The following PTPRG variants were observed in gnomAD, a reference collection of about 807,000 sequenced individuals.
PTPRG encodes receptor-type tyrosine-protein phosphatase gamma.
PTPRG carries 102 observed loss-of-function variants against 165.3 expected under a neutral mutation model. The observed-to-expected ratio is 0.62, with a 90% CI of 0.53 to 0.73. The LOEUF (loss-of-function observed/expected upper bound fraction) is 0.73, where lower values mean the gene tolerates loss of function less well. PTPRG is among the 30% of genes least tolerant of loss of function. The pLI is 0.00. For synonymous variants in PTPRG, 675 were observed against 669.5 expected, an observed-to-expected ratio of 1.01 and a Z score of -0.13; for missense variants, 1,866 against 1,861.4, an observed-to-expected ratio of 1.00 and a Z score of -0.05.
At chr3:61,567,624 C>T (rs1231438106) in intron 1 of PTPRG, among the ~76,000 whole-genome samples, 1 of 148,046 alleles carries the variant, frequency 6.8e-6, no homozygotes, top group African/African-American at 2.5e-5. Context: ...TGTGATCATG[C>T]CACTGCACTC....
chr3:62,064,011 G>C (rs1461227801), intron 4 of PTPRG, among the ~76,000 whole-genome samples: 1 of 152,176 alleles, frequency 6.6e-6, no homozygotes, highest in Non-Finnish European at 1.5e-5. Context: ...GATGAGGCTG[G>C]TCTTCTGAGT....
chr3:61,916,381 T>A lies in PTPRG; in HGVS notation c.191-73244T>A, dbSNP rs191525610. On this transcript the variant is annotated intron_variant, in intron 2 of 29. Transcript: ENST00000474889. ...CATAGTTATAAATTGATTTTGAAAA[T>A]TCTAATTTTCGTGTTAGATGGCACC... Among the ~76,000 whole-genome samples the A allele has an allele frequency of 3.2e-3, 490 of 152,284 alleles. 1 individual carries two copies. Among genetic ancestry groups the A allele is most frequent in the African/African-American group, 0.011 (477 of 41,560 alleles).
chr3:61,704,926 G>C (rs2031171965), intron 1 of PTPRG, among the ~76,000 whole-genome samples: 1 of 152,186 alleles, frequency 6.6e-6, no homozygotes, highest in Non-Finnish European at 1.5e-5. Flanking sequence ...TCTGCTACCT[G>C]CTCATTTGCA....
In PTPRG at chr3:61,875,257, G is replaced by C. The variant is rs1484725689; in HGVS notation, c.191-114368G>C. On this transcript the variant is annotated intron_variant, in intron 2 of 29. Coordinates refer to ENST00000474889, the MANE Select transcript of PTPRG (RefSeq NM_002841.4). ...TTCTTTTAGGCCACATTCTGGTTCT[G>C]CAACTGACACTTGAGGAGGTATTTC... is the stretch of plus-strand genomic sequence containing the variant. Among the ~76,000 whole-genome samples, 6 of 152,102 alleles carry C rather than the reference G, an allele frequency of 3.9e-5. No individual in the cohort carries two copies. In the East Asian group the frequency reaches 1.2e-3, roughly 29 times the overall value.
intron 2 of PTPRG, among the ~76,000 whole-genome samples, chr3:61,873,957 C>T (rs140762262): frequency 5.9e-5 from 9 of 152,252 alleles, no homozygotes; most frequent in African/African-American, 2.2e-4. Flanking sequence ...TGGATTATTC[C>T]TGTTGATTCA....
chr3:61,860,875 T>G (rs2037248496), intron 2 of PTPRG, among the ~76,000 whole-genome samples: 1 of 152,152 alleles, frequency 6.6e-6, no homozygotes, highest in Non-Finnish European at 1.5e-5. Flanking sequence ...TTATCACTGG[T>G]GTAGATTCAT....
chr3:61,832,378 C>T (rs748067531), intron 2 of PTPRG, among the ~76,000 whole-genome samples: 2 of 152,142 alleles, frequency 1.3e-5, no homozygotes, highest in African/African-American at 4.8e-5. Context: ...TTCTCATAAC[C>T]CTATGAGATA....
At chr3:61,636,462 A>G (rs747037086) in intron 1 of PTPRG, among the ~76,000 whole-genome samples, 2 of 152,132 alleles carry the variant, frequency 1.3e-5, no homozygotes, top group Non-Finnish European at 2.9e-5. Context: ...TTCAAGGTTC[A>G]TCTATCTTGT....
chr3:62,169,402 A>G (rs1371548320), intron 8 of PTPRG, among the ~76,000 whole-genome samples: 2 of 152,054 alleles, frequency 1.3e-5, no homozygotes, highest in Admixed American at 6.5e-5. Context: ...TTTTTAACCT[A>G]TTATTTAACA....
At chr3:61,790,986 G>C (rs113409165) in intron 2 of PTPRG, among the ~76,000 whole-genome samples, 8 of 152,130 alleles carry the variant, frequency 5.3e-5, no homozygotes, top group Non-Finnish European at 8.8e-5. Context: ...TTATCAGTCA[G>C]CACCTCCTTT....
At chr3:61,801,048 C>T (rs1003246118) in intron 2 of PTPRG, among the ~76,000 whole-genome samples, 1 of 152,158 alleles carries the variant, frequency 6.6e-6, no homozygotes, top group Non-Finnish European at 1.5e-5. Context: ...CTGGCACCGC[C>T]TGCCGTAGCT....
At chr3:61,944,631 A>C (rs2039711594) in intron 2 of PTPRG, among the ~76,000 whole-genome samples, 1 of 152,194 alleles carries the variant, frequency 6.6e-6, no homozygotes, top group African/African-American at 2.4e-5. Flanking sequence ...CGTTGGATTC[A>C]TTAGGGAATG....
chr3:61,566,454 G>C (rs1474050708), intron 1 of PTPRG, among the ~76,000 whole-genome samples: 3 of 152,216 alleles, frequency 2.0e-5, no homozygotes, highest in Non-Finnish European at 4.4e-5. Context: ...AAATGCCCTA[G>C]AGTAGTTACT....
intron 2 of PTPRG, among the ~76,000 whole-genome samples, chr3:61,793,837 T>G (rs2034965967): frequency 6.6e-6 from 1 of 152,170 alleles, no homozygotes; most frequent in Non-Finnish European, 1.5e-5. Context: ...GGCTAGGTGG[T>G]GAAAATGACA....
intron 1 of PTPRG, among the ~76,000 whole-genome samples, chr3:61,573,255 G>A (rs953104456): frequency 6.6e-6 from 1 of 152,120 alleles, no homozygotes; most frequent in Admixed American, 6.6e-5. Context: ...GTATGATGTC[G>A]GGGGACAAGG....
intron 1 of PTPRG, among the ~76,000 whole-genome samples, chr3:61,626,619 T>C (rs1253593801): frequency 1.3e-5 from 2 of 152,196 alleles, no homozygotes; most frequent in Non-Finnish European, 2.9e-5. Flanking sequence ...CTCAGAGTCA[T>C]AGTCCCAGCC....
chr3:61,902,785 A>G (rs1378808695), intron 2 of PTPRG, among the ~76,000 whole-genome samples: 1 of 152,172 alleles, frequency 6.6e-6, no homozygotes, highest in Admixed American at 6.5e-5. Context: ...TTGAGCATGT[A>G]ATATGTATCT....
intron 2 of PTPRG, among the ~76,000 whole-genome samples, chr3:61,981,277 T>C (rs148833204): frequency 1.2e-4 from 19 of 152,298 alleles, no homozygotes; most frequent in African/African-American, 4.3e-4. Flanking sequence ...ACATGGAGAT[T>C]ATGGGAACTA....
chr3:62,014,522 G>A (rs921568419), intron 4 of PTPRG, among the ~76,000 whole-genome samples: 2 of 152,180 alleles, frequency 1.3e-5, no homozygotes, highest in African/African-American at 4.8e-5. Flanking sequence ...CACAGATAGA[G>A]CTTCAACTCC....
Sources: gnomAD v4.1 joint callset for allele counts (sites outside exome capture counted in the v4.1 genomes callset) on GRCh38, gnomAD v4.1.1 for gene constraint, MANE v1.5 for transcripts, NCBI Gene and HGNC (gene_info 2026-07-23, HGNC 2026-07-21) for gene names.